The following LINS1 variants were observed in gnomAD, a reference collection of about 807,000 sequenced individuals.
The protein encoded by LINS1 is protein Lines homolog 1.
A neutral mutation model predicts 41.6 loss-of-function variants in LINS1; 27 were observed. The observed-to-expected ratio is 0.65, with a 90% CI of 0.48 to 0.89. The LOEUF is 0.89. Ranked by LOEUF, LINS1 falls within the 40% of genes least tolerant of loss-of-function variation. LINS1 has a pLI of 0.00. For synonymous variants in LINS1, 336 were observed against 312.9 expected (o/e 1.07, Z -0.78); for missense variants, 955 against 884.1 (o/e 1.08, Z -1.02).
At chr15:100,589,389 T>G (rs1334045150) in intron 1 of LINS1, among the ~76,000 whole-genome samples, 1 of 152,198 alleles carries the variant, frequency 6.6e-6, no homozygotes, top group Non-Finnish European at 1.5e-5. Context: ...TGAAATTGTT[T>G]TAGATACATA....
chr15:100,576,576 GC>G (rs2038195354), intron 3 of LINS1: 1 of 152,254 alleles, frequency 6.6e-6, no homozygotes, highest in South Asian at 2.1e-4. Context: ...TGGATTCACA[GC>G]CGAATTCTAC....
intron 5 of LINS1, chr15:100,572,779 G>A: frequency 1.0e-6 from 1 of 976,324 alleles, no homozygotes; most frequent in East Asian, 1.1e-4. Context: ...TTGAACTCCT[G>A]AGTTACTATT....
In LINS1 at chr15:100,573,892, G is replaced by T. The variant is rs754792657; in HGVS notation, c.981C>A (p.Asp327Glu). Residue 327 changes from aspartate (D) to glutamate (E), a missense_variant, in exon 5 of 7, where the codon GAC becomes GAA. Asp to Glu is a conservative substitution (Grantham distance 45). Transcript: ENST00000314742. ...RGSVPALMPP[D>E]HHVAVDMLAL... ...CCAGCATGTCCACCGCTACATGATG[G>T]TCTGGCGGCATTAAGGCAGGCACAG... The T allele has an allele frequency of 6.2e-7, 1 of 1,614,196 alleles. No homozygotes were observed. Among genetic ancestry groups the T allele is most frequent in the South Asian group, 1.1e-5 (1 of 91,086 alleles).
At chr15:100,572,163 T>C in intron 5 of LINS1, 98 bp from the exon 6 acceptor site, 1 of 1,548,202 alleles carries the variant, frequency 6.5e-7, no homozygotes, top group Non-Finnish European at 8.7e-7. Context: ...TACCTTAAGA[T>C]GCAATTATCC....
chr15:100,574,273 G>T, intron 4 of LINS1, 32 bp from the exon 5 acceptor site: 1 of 1,361,062 alleles, frequency 7.3e-7, no homozygotes, highest in South Asian at 1.2e-5. Flanking sequence ...TTATAAACAG[G>T]AAAAACAGTC....
Position 100,574,315 on chromosome 15 carries a change from T to G in LINS1, c.632-74A>C. ...AAACAATTTTACAATTCACTTTTTATAAATATCACTTTTTAAGATGAAAAA... is the reference window on the plus strand; with the variant it reads ...AAACAATTTTACAATTCACTTTTTAGAAATATCACTTTTTAAGATGAAAAA... On this transcript the variant is annotated intron_variant, in intron 4 of 6. Transcript: ENST00000314742. 1.4e-5 allele frequency: 14 copies of G among 970,730 alleles called. No homozygotes were observed. In the South Asian group the frequency reaches 2.0e-4, roughly 14 times the overall value. 60.1% of individuals were successfully genotyped at this position (970,730 alleles called of 1,614,324 possible). A position where few individuals can be genotyped will look rare whatever the true frequency, so the allele number is the denominator to read the frequency against.
intron 3 of LINS1, among the ~76,000 whole-genome samples, chr15:100,576,915 A>G (rs1045019060): frequency 4.6e-5 from 7 of 152,228 alleles, no homozygotes; most frequent in African/African-American, 1.7e-4. Flanking sequence ...ACAGAACCAA[A>G]GACAAAAACC....
intron 1 of LINS1, among the ~76,000 whole-genome samples, chr15:100,590,547 T>A (rs945697258): frequency 2.0e-5 from 3 of 152,224 alleles, no homozygotes; most frequent in Non-Finnish European, 2.9e-5. Context: ...AAGCAATGAT[T>A]AGAAATGTTT....
intron 6 of LINS1, 110 bp from the exon 7 acceptor site, chr15:100,570,227 C>G: frequency 1.2e-6 from 1 of 855,794 alleles, no homozygotes; most frequent in Non-Finnish European, 1.7e-6. Context: ...ACTTTTAAAT[C>G]TATGCATCAC....
intron 5 of LINS1, chr15:100,572,705 GA>G: frequency 1.0e-6 from 1 of 986,010 alleles, no homozygotes; most frequent in Non-Finnish European, 1.2e-6. Context: ...ACTTTTCACT[GA>G]ATCTGTATGC....
At position 100,580,657 on chromosome 15, in the gene LINS1, G is replaced by T; in HGVS notation, c.186C>A (p.Ile62=). ...TCGIQGRHQP[I]SVGVAPIAVA... Reference sequence around the variant, plus strand: ...CAGCAATGGGAGCCACACCAACAGAGATGGGCTGATGCCTGCCCTGGATAC... The same window carrying T: ...CAGCAATGGGAGCCACACCAACAGATATGGGCTGATGCCTGCCCTGGATAC... The change falls in exon 2 of 7, where the codon ATC becomes ATA. Residue 62 remains isoleucine, a synonymous_variant. Transcript: ENST00000314742. 6.2e-7 allele frequency: 1 copy of T among 1,613,968 alleles called. No individual in the cohort carries two copies.
chr15:100,595,679 TA>T (rs1160501129), intron 1 of LINS1, among the ~76,000 whole-genome samples: 3 of 152,086 alleles, frequency 2.0e-5, no homozygotes, highest in Admixed American at 6.6e-5. Flanking sequence ...ATATTAGAAG[TA>T]AAAAAAATTA....
chr15:100,586,334 T>G (rs1296250428), intron 1 of LINS1: 1 of 152,244 alleles, frequency 6.6e-6, no homozygotes, highest in African/African-American at 2.4e-5. Context: ...TTGTTAAAAC[T>G]GAAAGAACAG....
In LINS1 at chr15:100,571,897, G is replaced by C. The variant is rs781579621; in HGVS notation, c.1391C>G (p.Thr464Ser). Residue 464 changes from threonine to serine, a missense_variant, in exon 6 of 7, where the codon ACC becomes AGC. Coordinates refer to ENST00000314742, the MANE Select transcript of LINS1 (RefSeq NM_001040616.3). ...KASLGIYLTL[T>S]RGCEATESLT... is the part of the protein sequence containing the mutation. ...AATTACTTTAAAATACACTAACCTG[G>C]TCAGTGTTAAGTAGATGCCCAGTGA... 1.2e-6 allele frequency: 2 copies of C among 1,614,112 alleles called. No homozygotes were observed. Among genetic ancestry groups the C allele is most frequent in the South Asian group, 1.1e-5 (1 of 91,078 alleles).
chr15:100,599,677 C>A (rs572033715), intron 1 of LINS1, among the ~76,000 whole-genome samples: 55 of 152,344 alleles, frequency 3.6e-4, no homozygotes, highest in African/African-American at 1.2e-3. Flanking sequence ...CTCTCTCCCT[C>A]TTTTTCCTTC....
At chr15:100,574,904 C>T in intron 4 of LINS1, 83 bp downstream of exon 4, 1 of 1,385,702 alleles carries the variant, frequency 7.2e-7, no homozygotes, top group Non-Finnish European at 1.0e-6. Flanking sequence ...TCAGATGTTC[C>T]AAATTAAGTT....
chr15:100,583,503 A>C (rs1434285428), intron 1 of LINS1, among the ~76,000 whole-genome samples: 1 of 152,202 alleles, frequency 6.6e-6, no homozygotes, highest in African/African-American at 2.4e-5. Flanking sequence ...ATCCCATATG[A>C]TTGATTAATA....
In LINS1 at chr15:100,573,832, C is replaced by G. The variant is rs35830371; in HGVS notation, c.1041G>C (p.Ser347=). Residue 347 remains serine (S), a synonymous_variant, in exon 5 of 7, where the codon TCG becomes TCC. Coordinates refer to ENST00000314742, the MANE Select transcript of LINS1 (RefSeq NM_001040616.3). ...AAACAGACAGTGTCTTCAACAACCC[C>G]GAATTCACAGCTTGCAAAACAGCAT... ...LANAVLQAVN[S]GLLKTLSVYE... is the part of the protein sequence containing the mutation. 6.2e-7 allele frequency: 1 copy of G among 1,614,186 alleles called. No homozygotes were observed.
rs775472436 is a variant in LINS1 at position 100,573,683 on chromosome 15, A to T, written c.1190T>A (p.Phe397Tyr). The part of the protein sequence containing the change: ...LVIMKSLEIK[F>Y]QNYSSASEVK... ...TTCACTTGCTGAAGAATAATTTTGA[A>T]ACTTGATTTCTAAGGATTTCATTAT... The change falls in exon 5 of 7, where the codon TTT (phenylalanine) becomes TAT (tyrosine). Residue 397 changes from phenylalanine to tyrosine, a missense_variant. Physicochemically the swap from Phe to Tyr is conservative, Grantham distance 22 (BLOSUM62 3). Coordinates refer to ENST00000314742, the MANE Select transcript of LINS1 (RefSeq NM_001040616.3). 6.2e-7 allele frequency: 1 copy of T among 1,609,672 alleles called. No homozygotes were observed. The highest frequency in any genetic ancestry group is 1.1e-5 in the South Asian group (1 of 90,314).
Sources: gnomAD v4.1 joint callset for allele counts (sites outside exome capture counted in the v4.1 genomes callset) on GRCh38, gnomAD v4.1.1 for gene constraint, MANE v1.5 for transcripts, NCBI Gene and HGNC (gene_info 2026-07-23, HGNC 2026-07-21) for gene names.